NAV3: variants seen among roughly 807,000 people sequenced by gnomAD.
NAV3 encodes neuron navigator 3.
Under a neutral mutation model 244.7 loss-of-function variants are expected in NAV3, and 87 were observed. That is an observed-to-expected ratio of 0.36 (90% CI 0.30 to 0.42). The LOEUF is 0.42. NAV3 is among the 20% of genes least tolerant of loss of function. The probability of loss-of-function intolerance (pLI) is 1.00; values close to 1 mark genes in which losing one functional copy is unlikely to be tolerated. For missense variants in NAV3, 2,663 were observed against 2,893.3 expected (o/e 0.92, Z 1.83); for synonymous variants, 1,126 against 1,042.2 (o/e 1.08, Z -1.55).
At chr12:77,591,654 A>T (rs76191733) in intron 2 of NAV3, among the ~76,000 whole-genome samples, 6,007 of 152,294 alleles carry the variant, frequency 0.039, 231 homozygotes, top group African/African-American at 0.095. Context: ...ATTTAAACAT[A>T]TAACATGTTA....
chr12:77,816,434 A>T (rs1025582564), intron 2 of NAV3, among the ~76,000 whole-genome samples: 1 of 152,206 alleles, frequency 6.6e-6, no homozygotes, highest in Non-Finnish European at 1.5e-5. Context: ...CTCTGAGATG[A>T]AGTCATTTGA....
chr12:77,743,277 G>T (rs138771542), intron 2 of NAV3, among the ~76,000 whole-genome samples: 1 of 151,848 alleles, frequency 6.6e-6, no homozygotes, highest in Non-Finnish European at 1.5e-5. Flanking sequence ...TATATTATTG[G>T]TAAGTTTCTA....
At chr12:78,025,355 T>C (rs1030686110) in intron 9 of NAV3, among the ~76,000 whole-genome samples, 2 of 151,992 alleles carry the variant, frequency 1.3e-5, no homozygotes, top group Non-Finnish European at 2.9e-5. Context: ...TCTAGCACTT[T>C]GGGAGGCCGA....
chr12:78,046,847 T>A (rs1593380325), intron 9 of NAV3, among the ~76,000 whole-genome samples: 1 of 152,294 alleles, frequency 6.6e-6, no homozygotes, highest in Non-Finnish European at 1.5e-5. Flanking sequence ...AGTCTCCCAC[T>A]ATTATTGTGT....
intron 8 of NAV3, among the ~76,000 whole-genome samples, chr12:78,014,194 GA>G (rs200040726): frequency 0.01 from 1,553 of 152,162 alleles, 24 homozygotes; most frequent in South Asian, 0.051. Context: ...ACAAAGTTTT[GA>G]AATAATGCTT....
intron 2 of NAV3, among the ~76,000 whole-genome samples, chr12:77,652,427 T>C (rs1872867839): frequency 1.3e-5 from 2 of 152,226 alleles, no homozygotes; most frequent in African/African-American, 4.8e-5. Flanking sequence ...TCTGTCATTT[T>C]AAAGAAACAT....
intron 8 of NAV3, among the ~76,000 whole-genome samples, chr12:78,018,855 A>G (rs1309370710): frequency 6.6e-6 from 1 of 152,116 alleles, no homozygotes; most frequent in Non-Finnish European, 1.5e-5. Flanking sequence ...GTTCAGAGAC[A>G]ATAGGTTAGG....
chr12:78,104,338 T>C (rs577992022), intron 12 of NAV3, among the ~76,000 whole-genome samples: 5 of 152,314 alleles, frequency 3.3e-5, no homozygotes, highest in African/African-American at 7.2e-5. Flanking sequence ...TACCTACAAA[T>C]GGCATTTTCC....
chr12:78,123,869 A>C (rs1955790259), intron 16 of NAV3, among the ~76,000 whole-genome samples: 1 of 152,210 alleles, frequency 6.6e-6, no homozygotes, highest in Admixed American at 6.6e-5. Context: ...GCTTCCTGTA[A>C]AATCTTTGAT....
chr12:78,210,560 A>G lies in NAV3; in HGVS notation c.*43A>G, dbSNP rs753824815. On this transcript the variant is annotated 3_prime_UTR_variant, in exon 40 of 40. Transcript: ENST00000397909. ...GGGAAAAGACTTTGCTTTTAAAAAA[A>G]TGTTTCAAAAGAAAGGTATTTTCAC... 3.1e-6 allele frequency: 5 copies of G among 1,600,706 alleles called. No individual in the cohort carries two copies. In the African/African-American group the frequency reaches 6.8e-5, roughly 22 times the overall value.
chr12:78,073,485 C>G (rs300426), intron 12 of NAV3, among the ~76,000 whole-genome samples: 10 of 152,108 alleles, frequency 6.6e-5, no homozygotes, highest in African/African-American at 2.4e-4. Flanking sequence ...TAACAAGGGA[C>G]GTGAAGGACC....
chr12:78,039,964 A>G (rs577899612), intron 9 of NAV3, among the ~76,000 whole-genome samples: 26 of 152,136 alleles, frequency 1.7e-4, no homozygotes, highest in Non-Finnish European at 3.5e-4. Flanking sequence ...AGGAGGAGAC[A>G]CAACATTGCT....
chr12:77,965,913 T>C (rs966282229), intron 3 of NAV3, among the ~76,000 whole-genome samples: 1 of 152,184 alleles, frequency 6.6e-6, no homozygotes, highest in African/African-American at 2.4e-5. Context: ...TCAGTCTGTA[T>C]GGATGCTTTC....
chr12:78,062,452 A>G (rs903664696), intron 12 of NAV3, among the ~76,000 whole-genome samples: 1 of 152,148 alleles, frequency 6.6e-6, no homozygotes, highest in South Asian at 2.1e-4. Context: ...AAAAAACTGA[A>G]TATCATATCT....
chr12:78,031,812 C>T (rs1177128645), intron 9 of NAV3, among the ~76,000 whole-genome samples: 1 of 150,988 alleles, frequency 6.6e-6, no homozygotes, highest in African/African-American at 2.4e-5. Context: ...GTGCAGCGCA[C>T]CAGCATGGCA....
At chr12:77,727,578 G>A (rs1876933489) in intron 2 of NAV3, among the ~76,000 whole-genome samples, 2 of 152,078 alleles carry the variant, frequency 1.3e-5, no homozygotes, top group South Asian at 4.1e-4. Context: ...CAGGGAGACA[G>A]AATAACATGG....
At chr12:77,784,056 C>T (rs76058367) in intron 2 of NAV3, among the ~76,000 whole-genome samples, 2,704 of 152,162 alleles carry the variant, frequency 0.018, 78 homozygotes, top group African/African-American at 0.062. Flanking sequence ...TCAGTTTTTT[C>T]ATCAATAAAT....
In NAV3 at chr12:78,177,225, G is replaced by A. The variant is rs1958270052; in HGVS notation, c.5209G>A (p.Asp1737Asn). 1 of 1,613,554 alleles carries A rather than the reference G, an allele frequency of 6.2e-7. No homozygotes were observed. Among genetic ancestry groups the A allele is most frequent in the Non-Finnish European group, 8.5e-7 (1 of 1,179,626 alleles). The change falls in exon 27 of 40, where the codon GAT becomes AAT. Residue 1737 changes from aspartate to asparagine, a missense_variant. Coordinates refer to ENST00000397909, the MANE Select transcript of NAV3 (RefSeq NM_001024383.2). The part of the protein sequence containing the change: ...SSHSDIEELT[D>N]SSLPASPKLP... The stretch of plus-strand genomic sequence containing the variant: ...ACATTCTGACATTGAAGAGCTTACT[G>A]ATTCATCCCTTCCGGCATCCCCCAA...
intron 2 of NAV3, among the ~76,000 whole-genome samples, chr12:77,659,246 T>G (rs377106928): frequency 6.6e-6 from 1 of 151,390 alleles, no homozygotes; most frequent in Non-Finnish European, 1.5e-5. Context: ...CTACAATGAA[T>G]TCAAAGAAAT....
Sources: allele counts gnomAD v4.1 joint callset (sites outside exome capture counted in the v4.1 genomes callset), GRCh38; gene constraint gnomAD v4.1.1; transcripts MANE v1.5; gene names NCBI Gene and HGNC (gene_info 2026-07-23, HGNC 2026-07-21).